Variants in CAMKMT observed in about 807,000 individuals in gnomAD.
The protein encoded by CAMKMT is calmodulin-lysine N-methyltransferase.
CAMKMT carries 53 observed loss-of-function variants against 48.0 expected under a neutral mutation model. That is an observed-to-expected ratio of 1.10 (90% CI 0.89 to 1.39). CAMKMT has a LOEUF of 1.39. Among genes scored for constraint, CAMKMT ranks in the 40% most tolerant of loss-of-function variants. The probability of loss-of-function intolerance (pLI) is 0.00; values close to 1 mark genes in which losing one functional copy is unlikely to be tolerated. For missense variants in CAMKMT, 428 were observed against 402.7 expected (o/e 1.06, Z -0.54); for synonymous variants, 165 against 152.3 (o/e 1.08, Z -0.61).
intron 3 of CAMKMT, among the ~76,000 whole-genome samples, chr2:44,673,516 AGG>A (rs1675478401): frequency 9.5e-6 from 1 of 105,266 alleles, no homozygotes; most frequent in Non-Finnish European, 2.0e-5. Context: ...GAAGGAAGGA[AGG>A]AAGGAGGGAA....
At chr2:44,705,603 A>G (rs1259508399) in intron 4 of CAMKMT, 1 of 895,040 alleles carries the variant, frequency 1.1e-6, no homozygotes, top group African/African-American at 1.8e-5. Context: ...TTGAGCTGTG[A>G]AGTCAGAGCC....
At chr2:44,584,921 G>A (rs552673625) in intron 3 of CAMKMT, among the ~76,000 whole-genome samples, 2 of 152,118 alleles carry the variant, frequency 1.3e-5, no homozygotes, top group East Asian at 1.9e-4. Flanking sequence ...CGGGCGTGGT[G>A]GTGGGCGCCT....
intron 8 of CAMKMT, among the ~76,000 whole-genome samples, chr2:44,752,037 C>T (rs1175635515): frequency 6.6e-6 from 1 of 152,104 alleles, no homozygotes; most frequent in Non-Finnish European, 1.5e-5. Flanking sequence ...TAGGCCCCAC[C>T]TCCAACACTG....
chr2:44,542,568 A>G (rs1667191382), intron 3 of CAMKMT, among the ~76,000 whole-genome samples: 1 of 150,018 alleles, frequency 6.7e-6, no homozygotes, highest in African/African-American at 2.5e-5. Context: ...TTCTCTCTCC[A>G]TATATGTATA....
At chr2:44,518,542 C>T (rs535650414) in intron 3 of CAMKMT, among the ~76,000 whole-genome samples, 2 of 152,134 alleles carry the variant, frequency 1.3e-5, no homozygotes, top group African/African-American at 4.8e-5. Flanking sequence ...AAAAATTAGT[C>T]AACTCAATTA....
At chr2:44,433,851 T>A (rs1001885577) in intron 3 of CAMKMT, among the ~76,000 whole-genome samples, 2 of 152,202 alleles carry the variant, frequency 1.3e-5, no homozygotes, top group Non-Finnish European at 2.9e-5. Flanking sequence ...GAATCAAAGA[T>A]CTTGCTATAG....
chr2:44,493,679 C>A (rs895615565), intron 3 of CAMKMT, among the ~76,000 whole-genome samples: 1 of 151,998 alleles, frequency 6.6e-6, no homozygotes, highest in Non-Finnish European at 1.5e-5. Context: ...TTTGAGAGCT[C>A]CTTCTTTGGT....
rs1674577602 is a variant in CAMKMT, at chr2:44,659,684, A to G, written c.377-44599A>G. Among the ~76,000 whole-genome samples the G allele has an allele frequency of 2.6e-5, 4 of 152,102 alleles. 1 individual carries two copies. In the South Asian group the frequency reaches 8.3e-4, roughly 32 times the overall value. On this transcript the variant is annotated intron_variant, in intron 3 of 10. Transcript: ENST00000378494. ...ATTTATTTCTGTAGGTGGCAAAGTT[A>G]CTTTTTTCCCTTAATTTATACTGTC...
At chr2:44,428,825 A>G (rs761679643) in intron 3 of CAMKMT, among the ~76,000 whole-genome samples, 7 of 152,188 alleles carry the variant, frequency 4.6e-5, no homozygotes, top group African/African-American at 1.2e-4. Flanking sequence ...TGATGACTCC[A>G]TGAGTTTGTA....
At chr2:44,460,367 G>A (rs1667784825) in intron 3 of CAMKMT, among the ~76,000 whole-genome samples, 2 of 152,146 alleles carry the variant, frequency 1.3e-5, no homozygotes. Context: ...TACATGGGTT[G>A]GGTAGTAAGT....
chr2:44,538,887 ATATACCAAATAAT>A (rs1338962404), intron 3 of CAMKMT, among the ~76,000 whole-genome samples: 1 of 151,584 alleles, frequency 6.6e-6, no homozygotes, highest in Non-Finnish European at 1.5e-5. Context: ...CCCATTTATT[ATATACCAAATAAT>A]TGGTATACCA....
At chr2:44,705,869 C>T (rs1235714306) in intron 4 of CAMKMT, among the ~76,000 whole-genome samples, 2 of 151,944 alleles carry the variant, frequency 1.3e-5, no homozygotes, top group Non-Finnish European at 2.9e-5. Context: ...GGTATATACA[C>T]ACTCATATAT....
intron 3 of CAMKMT, among the ~76,000 whole-genome samples, chr2:44,571,802 C>G (rs1296393724): frequency 6.6e-6 from 1 of 151,824 alleles, no homozygotes; most frequent in Admixed American, 6.6e-5. Context: ...ACAGTGAGAC[C>G]CTGTCTCTAA....
chr2:44,452,786 A>C (rs1371415651), intron 3 of CAMKMT, among the ~76,000 whole-genome samples: 1 of 152,008 alleles, frequency 6.6e-6, no homozygotes, highest in African/African-American at 2.4e-5. Flanking sequence ...TGATTAACCT[A>C]GTTCTTGCAT....
intron 3 of CAMKMT, among the ~76,000 whole-genome samples, chr2:44,636,171 G>A (rs1291552399): frequency 6.6e-6 from 1 of 152,128 alleles, no homozygotes; most frequent in Non-Finnish European, 1.5e-5. Context: ...TAAAGGTGGG[G>A]CACACTATCC....
At chr2:44,760,665 A>C (rs1219611142) in intron 9 of CAMKMT, among the ~76,000 whole-genome samples, 1 of 151,692 alleles carries the variant, frequency 6.6e-6, no homozygotes, top group African/African-American at 2.4e-5. Flanking sequence ...TGATGAAGAG[A>C]CCAGGCTCTA....
chr2:44,667,856 C>G (rs559345579), intron 3 of CAMKMT, among the ~76,000 whole-genome samples: 15 of 152,290 alleles, frequency 9.8e-5, no homozygotes, highest in Non-Finnish European at 1.8e-4. Flanking sequence ...GCTCATCACT[C>G]CCTCCTCCCT....
intron 3 of CAMKMT, among the ~76,000 whole-genome samples, chr2:44,540,723 C>G (rs1277821628): frequency 2.0e-5 from 3 of 152,190 alleles, no homozygotes; most frequent in Non-Finnish European, 4.4e-5. Context: ...TGCACTCCAG[C>G]CTGGGCAACA....
chr2:44,730,715 A>G (rs1159676085), intron 7 of CAMKMT, among the ~76,000 whole-genome samples: 1 of 152,228 alleles, frequency 6.6e-6, no homozygotes, highest in Non-Finnish European at 1.5e-5. Context: ...GCAAATAGGA[A>G]ATCATTTGAA....
Sources: allele counts gnomAD v4.1 joint callset (sites outside exome capture counted in the v4.1 genomes callset), GRCh38; gene constraint gnomAD v4.1.1; transcripts MANE v1.5; gene names NCBI Gene and HGNC (gene_info 2026-07-23, HGNC 2026-07-21).